Variants in CLASP2 observed in about 807,000 individuals in gnomAD.
CLASP2 encodes the protein cytoplasmic linker associated protein 2.
In CLASP2, 47 loss-of-function variants were observed where a neutral mutation model predicts 194.4. The observed-to-expected ratio is 0.24, with a 90% confidence interval of 0.19 to 0.31. The LOEUF is 0.31. CLASP2 is among the 10% of genes least tolerant of loss of function. The pLI, the probability that CLASP2 is intolerant of heterozygous loss-of-function variation, is 1.00. For missense variants in CLASP2, 1,445 were observed against 1,823.6 expected, an observed-to-expected ratio of 0.79 and a Z score of 3.78; for synonymous variants, 619 against 633.5, an observed-to-expected ratio of 0.98 and a Z score of 0.34.
At chr3:33,643,057 T>A (rs188886890) in intron 8 of CLASP2, among the ~76,000 whole-genome samples, 1 of 151,936 alleles carries the variant, frequency 6.6e-6, no homozygotes, top group Non-Finnish European at 1.5e-5. Flanking sequence ...CTGGTAGGAA[T>A]AGAAACTACA....
rs770355634 is a variant in CLASP2 at position 33,544,825 on chromosome 3, A to T, written c.3170T>A (p.Leu1057Gln). ...GGTATTGAGTTCAAATAATGAAATC[A>T]GCACTGACTGTGCTGCCTAAAAAAC... ...SDVRKAAQSV[L>Q]ISLFELNTPE... Residue 1057 changes from leucine (L) to glutamine (Q), a missense_variant, in exon 31 of 39, where the codon CTG (leucine) becomes CAG (glutamine). By Grantham distance (113) the Leu-to-Gln change is moderately radical. Around this residue, in one of 4 missense-constraint regions of CLASP2, gnomAD observed 732 missense variants for 987.9 expected, o/e 0.74. Transcript: ENST00000682230. The T allele has an allele frequency of 2.7e-5, 44 of 1,609,254 alleles. No individual in the cohort carries two copies. Among genetic ancestry groups the T allele is most frequent in the Non-Finnish European group, 3.7e-5 (44 of 1,178,080 alleles).
intron 1 of CLASP2, among the ~76,000 whole-genome samples, chr3:33,709,562 G>A (rs182623964): frequency 7.9e-5 from 12 of 152,232 alleles, no homozygotes; most frequent in South Asian, 2.1e-4. Flanking sequence ...ATGTGACGAC[G>A]TTATACTGCT....
intron 1 of CLASP2, among the ~76,000 whole-genome samples, chr3:33,711,396 C>A (rs2092998896): frequency 6.6e-6 from 1 of 151,732 alleles, no homozygotes; most frequent in Admixed American, 6.6e-5. Context: ...CAGGCATGCA[C>A]CACCATACCT....
At chr3:33,670,817 T>C (rs1424350957) in intron 6 of CLASP2, among the ~76,000 whole-genome samples, 1 of 152,188 alleles carries the variant, frequency 6.6e-6, no homozygotes, top group Non-Finnish European at 1.5e-5. Context: ...GAGTTTTACC[T>C]CCAGGAGTTC....
chr3:33,554,877 A>T (rs2060649826), intron 29 of CLASP2: 1 of 152,622 alleles, frequency 6.6e-6, no homozygotes, highest in South Asian at 2.1e-4. Context: ...TGGAATATAA[A>T]GAATTTCTTC....
At chr3:33,642,793 T>C (rs1314265704) in intron 8 of CLASP2, among the ~76,000 whole-genome samples, 1 of 151,606 alleles carries the variant, frequency 6.6e-6, no homozygotes, top group African/African-American at 2.4e-5. Flanking sequence ...CTCTGGCCAG[T>C]AGCTCTTTTC....
At chr3:33,615,459 T>C (rs1442089189) in intron 12 of CLASP2, among the ~76,000 whole-genome samples, 1 of 141,002 alleles carries the variant, frequency 7.1e-6, no homozygotes, top group African/African-American at 2.6e-5. Flanking sequence ...AAGATGATAA[T>C]AGTAAAAAAA....
Position 33,543,534 on chromosome 3 carries a change from G to A in CLASP2, c.3303C>T (p.Ser1101=). The A allele has an allele frequency of 6.2e-7, 1 of 1,601,586 alleles. No individual in the cohort carries two copies. The highest frequency in any genetic ancestry group is 8.6e-7 in the Non-Finnish European group (1 of 1,168,702). The change falls in exon 32 of 39, where the codon TCC becomes TCT. Residue 1101 remains serine, a synonymous_variant. Transcript: ENST00000682230. ...LRNTGNGTQS[S]MGSPLTRPTP... ...TTGGTCTTGTCAAAGGACTCCCCAT[G>A]GAACTCTGATGAAGGGAGTCAAAGA...
At chr3:33,508,207 C>T (rs1002312096) in intron 37 of CLASP2, among the ~76,000 whole-genome samples, 2 of 152,000 alleles carry the variant, frequency 1.3e-5, no homozygotes, top group South Asian at 2.1e-4. Context: ...TTTGTAGAGA[C>T]GAGGCATCAC....
chr3:33,645,193 T>C (rs1002942707), intron 7 of CLASP2: 18 of 757,410 alleles, frequency 2.4e-5, no homozygotes, highest in Admixed American at 6.9e-5. Context: ...TTCATGTTTT[T>C]GCTACTCTGC....
Position 33,602,955 on chromosome 3 carries a change from G to C in CLASP2, c.1921C>G (p.Leu641Val). The stretch of plus-strand genomic sequence containing the variant: ...TTTCCATAATCAGTTCTCTTACCTA[G>C]TGACGCATAGGAACCTGCATTCAGG... Reference protein sequence around the residue: ...GALNAGSYASLEDTSDKLDGT... With the variant: ...GALNAGSYASVEDTSDKLDGT... The change falls in exon 18 of 39, where the codon CTA (leucine) becomes GTA (valine). Residue 641 changes from leucine (L) to valine (V), a missense_variant. Leu to Val is a conservative substitution (Grantham distance 32, BLOSUM62 1). This residue lies in a region of CLASP2 where 174 missense variants were observed against 179.0 expected (regional missense o/e 0.97). Coordinates refer to ENST00000682230, the MANE Select transcript of CLASP2 (RefSeq NM_001365631.1). The C allele has an allele frequency of 3.1e-6, 5 of 1,609,022 alleles. No homozygotes were observed. Among genetic ancestry groups the C allele is most frequent in the Non-Finnish European group, 4.2e-6 (5 of 1,177,486 alleles).
intron 9 of CLASP2, among the ~76,000 whole-genome samples, chr3:33,627,415 T>A (rs868485774): frequency 6.6e-6 from 1 of 152,172 alleles, no homozygotes; most frequent in East Asian, 1.9e-4. Flanking sequence ...ACCTATCTTA[T>A]TGCATTCATA....
At chr3:33,545,085 A>C (rs2058950872) in intron 30 of CLASP2, 1 of 292,180 alleles carries the variant, frequency 3.4e-6, no homozygotes. Context: ...CTAACAGACA[A>C]TGGAAAAGTT....
At chr3:33,613,816 T>C (rs890299541) in intron 12 of CLASP2, among the ~76,000 whole-genome samples, 1 of 152,184 alleles carries the variant, frequency 6.6e-6, no homozygotes, top group African/African-American at 2.4e-5. Flanking sequence ...ACCACACTTC[T>C]CCATTTTTCT....
At chr3:33,599,965 C>CA (rs200435410) in intron 18 of CLASP2, among the ~76,000 whole-genome samples, 20 of 150,902 alleles carry the variant, frequency 1.3e-4, no homozygotes, top group South Asian at 2.1e-4. Flanking sequence ...TAGGTTCTCA[C>CA]AAAAAAAAAT....
intron 38 of CLASP2, among the ~76,000 whole-genome samples, chr3:33,499,979 T>C (rs912518356): frequency 2.0e-5 from 3 of 152,158 alleles, no homozygotes; most frequent in Non-Finnish European, 4.4e-5. Flanking sequence ...TCTGCAGTCT[T>C]TGTATGAGAT....
chr3:33,713,012 C>CAGAAAAAAAAAAAAAAAAA (rs1559717375), intron 1 of CLASP2, among the ~76,000 whole-genome samples: 19 of 46,990 alleles, frequency 4.0e-4, no homozygotes, highest in Non-Finnish European at 6.8e-4. Flanking sequence ...AACTCCACCT[C>CAGAAAAAAAAAAAAAAAAA]AAAAAAAAAA....
chr3:33,662,924 C>T (rs1318680301), intron 7 of CLASP2, among the ~76,000 whole-genome samples: 1 of 151,988 alleles, frequency 6.6e-6, no homozygotes, highest in Admixed American at 6.6e-5. Context: ...TCCAGACCTC[C>T]CTGAATTCCA....
At chr3:33,699,676 T>C (rs2092229902) in intron 1 of CLASP2, among the ~76,000 whole-genome samples, 1 of 152,144 alleles carries the variant, frequency 6.6e-6, no homozygotes, top group Non-Finnish European at 1.5e-5. Context: ...ATACCTATGA[T>C]AAAGTTTAAT....
Sources: allele counts gnomAD v4.1 joint callset (sites outside exome capture counted in the v4.1 genomes callset), GRCh38; gene constraint gnomAD v4.1.1; regional missense constraint gnomAD v4.1.1; transcripts MANE v1.5; gene names NCBI Gene and HGNC (gene_info 2026-07-23, HGNC 2026-07-21).